Variants in CLDN12 observed in about 807,000 individuals in gnomAD.
CLDN12 encodes the protein claudin-12.
A neutral mutation model predicts 15.5 loss-of-function variants in CLDN12; 9 were observed. The observed-to-expected ratio is 0.58, with a 90% CI of 0.35 to 1.02. The LOEUF is 1.02. Among genes scored for constraint, CLDN12 ranks in the 50% least tolerant of loss-of-function variants. The pLI is 0.02. For synonymous variants in CLDN12, 140 were observed against 121.6 expected, an observed-to-expected ratio of 1.15 and a Z score of -1.00; for missense variants, 233 against 297.3, an observed-to-expected ratio of 0.78 and a Z score of 1.59.
In CLDN12 at chr7:90,414,970, C is replaced by T. The variant is rs1328320779; in HGVS notation, c.*1559C>T. The T allele has an allele frequency of 6.0e-6, 1 of 166,954 alleles. No individual in the cohort carries two copies. Among genetic ancestry groups the T allele is most frequent in the African/African-American group, 2.4e-5 (1 of 41,442 alleles). The allele number at this position is 166,954 out of a possible 1,614,324, so 10.3% of individuals were successfully genotyped here. ...TGGTGTAATTTACTACATATTAGTA[C>T]TATATTCGTAAGGATTTTTTATTAA... On this transcript the variant is annotated 3_prime_UTR_variant, in exon 4 of 4. Coordinates refer to ENST00000496677, the MANE Select transcript of CLDN12 (RefSeq NM_001185072.3).
At chr7:90,410,499 T>C (rs6961218) in intron 2 of CLDN12, among the ~76,000 whole-genome samples, 1 of 152,232 alleles carries the variant, frequency 6.6e-6, no homozygotes, top group Non-Finnish European at 1.5e-5. Flanking sequence ...TTTGAATATA[T>C]GTATGTACAC....
At chr7:90,407,719 A>G (rs756169176) in intron 2 of CLDN12, among the ~76,000 whole-genome samples, 1 of 152,196 alleles carries the variant, frequency 6.6e-6, no homozygotes, top group Non-Finnish European at 1.5e-5. Flanking sequence ...AACCAGGGAC[A>G]GGGGGAGGTT....
At chr7:90,407,072 T>C (rs1796850784) in intron 2 of CLDN12, among the ~76,000 whole-genome samples, 1 of 152,154 alleles carries the variant, frequency 6.6e-6, no homozygotes, top group Non-Finnish European at 1.5e-5. Flanking sequence ...GACTTTTTGT[T>C]TTTGAAATGG....
At chr7:90,412,614 T>C in intron 3 of CLDN12, 30 bp from the exon 4 acceptor site, 5 of 1,547,262 alleles carry the variant, frequency 3.2e-6, no homozygotes, top group South Asian at 1.2e-5. Flanking sequence ...TGTCCCCTCA[T>C]GATTTGTCCT....
At chr7:90,411,984 C>T (rs966920424) in intron 2 of CLDN12, 23 bp from the exon 3 acceptor site, 2 of 152,238 alleles carry the variant, frequency 1.3e-5, no homozygotes, top group Non-Finnish European at 2.9e-5. Context: ...AAGGTTGGCA[C>T]TGTTATTTTT....
In CLDN12 at chr7:90,412,687, G is replaced by T. The variant is rs200372770; in HGVS notation, c.11G>T (p.Arg4Leu). MGC[R>L]DVHAATVLSF... ...ACAAGCTTGCCTGCCATGGGCTGTC[G>T]GGATGTCCACGCAGCCACAGTCCTT... The change falls in exon 4 of 4, where the codon CGG becomes CTG. Residue 4 changes from arginine to leucine, a missense_variant. Arg to Leu is a moderately radical substitution (Grantham distance 102). Coordinates refer to ENST00000496677, the MANE Select transcript of CLDN12 (RefSeq NM_001185072.3). The T allele has an allele frequency of 5.0e-6, 8 of 1,612,526 alleles. No homozygotes were observed. Among genetic ancestry groups the T allele is most frequent in the Non-Finnish European group, 6.8e-6 (8 of 1,179,254 alleles).
rs1797020354 is a variant in CLDN12 at position 90,413,770 on chromosome 7, T to C, written c.*359T>C. The C allele has an allele frequency of 2.9e-6, 3 of 1,021,498 alleles. No homozygotes were observed. The highest frequency in any genetic ancestry group is 3.6e-6 in the Non-Finnish European group (3 of 844,644). 63.3% of individuals were successfully genotyped at this position (1,021,498 alleles called of 1,614,324 possible). A position where few individuals can be genotyped will look rare whatever the true frequency, so the allele number is the denominator to read the frequency against. On this transcript the variant is annotated 3_prime_UTR_variant, in exon 4 of 4. Coordinates refer to ENST00000496677, the MANE Select transcript of CLDN12 (RefSeq NM_001185072.3). The stretch of plus-strand genomic sequence containing the variant: ...CAATCTTCATGAAAATTTCAGTGTG[T>C]ATTTTTCTTTTTCTATAATACCTTT...
At position 90,414,098 on chromosome 7, in the gene CLDN12, T is replaced by C; in HGVS notation, c.*687T>C. 6 of 999,884 alleles carry C rather than the reference T, an allele frequency of 6.0e-6. No individual in the cohort carries two copies. The highest frequency in any genetic ancestry group is 7.2e-6 in the Non-Finnish European group (6 of 829,734). The allele number at this position is 999,884 out of a possible 1,614,324, so 61.9% of individuals were successfully genotyped here. A position where few individuals can be genotyped will look rare whatever the true frequency, so the allele number is the denominator to read the frequency against. ...GATTCCATAAATTGTATTATTGGGATTAGAATGTGCTTTATGACAGGTTAG... is the reference window on the plus strand; with the variant it reads ...GATTCCATAAATTGTATTATTGGGACTAGAATGTGCTTTATGACAGGTTAG... On this transcript the variant is annotated 3_prime_UTR_variant, in exon 4 of 4. Transcript: ENST00000496677.
In CLDN12 at chr7:90,413,207, C is replaced by A; in HGVS notation, c.531C>A (p.Val177=). 3 of 1,614,156 alleles carry A rather than the reference C, an allele frequency of 1.9e-6. No homozygotes were observed. Among genetic ancestry groups the A allele is most frequent in the Non-Finnish European group, 2.5e-6 (3 of 1,179,986 alleles). Residue 177 remains valine, a synonymous_variant, in exon 4 of 4, where the codon GTC becomes GTA. Transcript: ENST00000496677. Reference sequence around the variant, plus strand: ...TTTCATTTGACTATGCAGTGTATGTCACTATTGCTAGTGCTGGGGGCCTGT... The same window carrying A: ...TTTCATTTGACTATGCAGTGTATGTAACTATTGCTAGTGCTGGGGGCCTGT... ...PVFSFDYAVY[V]TIASAGGLFM...
chr7:90,413,628 A>T lies in CLDN12; in HGVS notation c.*217A>T. 1 of 1,322,554 alleles carries T rather than the reference A, an allele frequency of 7.6e-7. No individual in the cohort carries two copies. The highest frequency in any genetic ancestry group is 9.7e-7 in the Non-Finnish European group (1 of 1,033,536). 81.9% of individuals were successfully genotyped at this position (1,322,554 alleles called of 1,614,324 possible). A position where few individuals can be genotyped will look rare whatever the true frequency, so the allele number is the denominator to read the frequency against. On this transcript the variant is annotated 3_prime_UTR_variant, in exon 4 of 4. Coordinates refer to ENST00000496677, the MANE Select transcript of CLDN12 (RefSeq NM_001185072.3). ...AATTTTGCTTCTTATACTGGAAGGA[A>T]TTTTAGCCTTCATATTGATATCTAA...
At chr7:90,409,741 A>G (rs984240379) in intron 2 of CLDN12, among the ~76,000 whole-genome samples, 1 of 152,188 alleles carries the variant, frequency 6.6e-6, no homozygotes, top group Admixed American at 6.5e-5. Flanking sequence ...ACACCTAACA[A>G]TAATCACTTG....
chr7:90,413,756 A>T lies in CLDN12; in HGVS notation c.*345A>T. On this transcript the variant is annotated 3_prime_UTR_variant, in exon 4 of 4. Transcript: ENST00000496677. Reference sequence around the variant, plus strand: ...GAAGCTGTTGTATACAATCTTCATGAAAATTTCAGTGTGTATTTTTCTTTT... The same window carrying T: ...GAAGCTGTTGTATACAATCTTCATGTAAATTTCAGTGTGTATTTTTCTTTT... 10 of 1,031,588 alleles carry T rather than the reference A, an allele frequency of 9.7e-6. No individual in the cohort carries two copies. Among genetic ancestry groups the T allele is most frequent in the Non-Finnish European group, 1.2e-5 (10 of 851,272 alleles). 63.9% of individuals were successfully genotyped at this position (1,031,588 alleles called of 1,614,324 possible). A position where few individuals can be genotyped will look rare whatever the true frequency, so the allele number is the denominator to read the frequency against.
At chr7:90,409,989 A>G (rs1796926505) in intron 2 of CLDN12, among the ~76,000 whole-genome samples, 1 of 152,188 alleles carries the variant, frequency 6.6e-6, no homozygotes, top group African/African-American at 2.4e-5. Flanking sequence ...ACAGTTCTTC[A>G]TTACCAGTGG....
Position 90,412,849 on chromosome 7 carries a change from G to A in CLDN12, c.173G>A (p.Cys58Tyr). 6.2e-7 allele frequency: 1 copy of A among 1,614,218 alleles called. No individual in the cohort carries two copies. The highest frequency in any genetic ancestry group is 1.1e-5 in the South Asian group (1 of 91,090). Residue 58 changes from cysteine (C) to tyrosine (Y), a missense_variant, in exon 4 of 4, where the codon TGT (cysteine) becomes TAT (tyrosine). Cys to Tyr is a radical substitution (Grantham distance 194). Coordinates refer to ENST00000496677, the MANE Select transcript of CLDN12 (RefSeq NM_001185072.3). Reference protein sequence around the residue: ...LTVYTGLWVKCARYDGSSDCL... With the variant: ...LTVYTGLWVKYARYDGSSDCL... ...GTTTACACAGGCCTGTGGGTGAAATGTGCCCGGTATGACGGGAGCAGTGAC... is the reference window on the plus strand; with the variant it reads ...GTTTACACAGGCCTGTGGGTGAAATATGCCCGGTATGACGGGAGCAGTGAC...
rs963389194 is a variant in CLDN12, at chr7:90,414,262, G to A, written c.*851G>A. ...TTTGTTCTCTTTCAGACATAATTTA[G>A]TAGGGGACAAGAAGTCTGTTCTTCA... is the stretch of plus-strand genomic sequence containing the variant. On this transcript the variant is annotated 3_prime_UTR_variant, in exon 4 of 4. Coordinates refer to ENST00000496677, the MANE Select transcript of CLDN12 (RefSeq NM_001185072.3). The A allele has an allele frequency of 5.0e-6, 5 of 1,000,140 alleles. No individual in the cohort carries two copies. The African/African-American group carries it at 7.0e-5, about 14-fold the overall frequency. 62.0% of individuals were successfully genotyped at this position (1,000,140 alleles called of 1,614,324 possible). A position where few individuals can be genotyped will look rare whatever the true frequency, so the allele number is the denominator to read the frequency against.
At chr7:90,406,064 C>CCA (rs2115865870) in intron 2 of CLDN12, 2 of 152,482 alleles carry the variant, frequency 1.3e-5, no homozygotes, top group South Asian at 4.1e-4. Flanking sequence ...GATTGCACCA[C>CCA]TGTGCTCCAG....
rs576056629 is a variant in CLDN12 at position 90,414,592 on chromosome 7, G to T, written c.*1181G>T. On this transcript the variant is annotated 3_prime_UTR_variant, in exon 4 of 4. Transcript: ENST00000496677. ...CCTTAACTTCTTAATCATTGATCCAGGAATATTTCAACCAGAGACACAACT... is the reference window on the plus strand; with the variant it reads ...CCTTAACTTCTTAATCATTGATCCATGAATATTTCAACCAGAGACACAACT... 5.6e-5 allele frequency: 10 copies of T among 177,396 alleles called. No homozygotes were observed. Among genetic ancestry groups the T allele is most frequent in the Admixed American group, 3.9e-4 (6 of 15,302 alleles). The allele number at this position is 177,396 out of a possible 1,614,324, so 11.0% of individuals were successfully genotyped here.
intron 2 of CLDN12, among the ~76,000 whole-genome samples, chr7:90,407,341 G>C (rs1025559931): frequency 2.6e-5 from 4 of 152,198 alleles, no homozygotes; most frequent in African/African-American, 9.6e-5. Flanking sequence ...GTAAGAAAAT[G>C]AATGTTGTTT....
chr7:90,415,404 T>C lies in CLDN12; in HGVS notation c.*1993T>C, dbSNP rs1258313188. 6.0e-6 allele frequency: 1 copy of C among 166,984 alleles called. No homozygotes were observed. Among genetic ancestry groups the C allele is most frequent in the East Asian group, 1.9e-4 (1 of 5,208 alleles). The allele number at this position is 166,984 out of a possible 1,614,324, so 10.3% of individuals were successfully genotyped here. A position where few individuals can be genotyped will look rare whatever the true frequency, so the allele number is the denominator to read the frequency against. ...CTACCATCCCTTGGGTCTTTGTGTA[T>C]AAACAATGTTAAATAAAGGTAGACT... On this transcript the variant is annotated 3_prime_UTR_variant, in exon 4 of 4. Transcript: ENST00000496677.
Sources: gnomAD v4.1 joint callset for allele counts (sites outside exome capture counted in the v4.1 genomes callset) on GRCh38, gnomAD v4.1.1 for gene constraint, MANE v1.5 for transcripts, NCBI Gene and HGNC (gene_info 2026-07-23, HGNC 2026-07-21) for gene names.